EFCAB11: variants seen among roughly 807,000 people sequenced by gnomAD.
EFCAB11 encodes the protein EF-hand calcium-binding domain-containing protein 11.
A neutral mutation model predicts 23.0 loss-of-function variants in EFCAB11; 14 were observed. The ratio of observed to expected loss-of-function variants is 0.61; its 90% CI spans 0.40 to 0.95. The LOEUF is 0.95. EFCAB11 is among the 40% of genes least tolerant of loss of function. EFCAB11 has a pLI of 0.00. For missense variants in EFCAB11, 198 were observed against 195.8 expected (o/e 1.01, Z -0.07); for synonymous variants, 65 against 66.6 (o/e 0.98, Z 0.11).
intron 5 of EFCAB11, among the ~76,000 whole-genome samples, chr14:89,910,094 T>C (rs989322406): frequency 2.6e-5 from 4 of 152,230 alleles, no homozygotes; most frequent in African/African-American, 9.6e-5. Flanking sequence ...ATCTTGTTCA[T>C]TTTCATACAA....
intron 3 of EFCAB11, 151 bp downstream of exon 3, chr14:89,949,946 T>C (rs1891107997): frequency 1.3e-6 from 1 of 771,634 alleles, no homozygotes; most frequent in Non-Finnish European, 2.0e-6. Context: ...GAGAACAACA[T>C]GCGAAAAACC....
intron 5 of EFCAB11, among the ~76,000 whole-genome samples, chr14:89,890,070 G>A (rs987738168): frequency 4.6e-5 from 7 of 152,148 alleles, no homozygotes; most frequent in South Asian, 2.1e-4. Flanking sequence ...TTATTTTGTC[G>A]TAGGTATAAG....
intron 5 of EFCAB11, among the ~76,000 whole-genome samples, chr14:89,843,091 C>G (rs1887323071): frequency 6.6e-6 from 1 of 152,088 alleles, no homozygotes; most frequent in South Asian, 2.1e-4. Flanking sequence ...GTCTAGTACA[C>G]AATGCTATCT....
At chr14:89,876,527 C>T (rs1324996727) in intron 5 of EFCAB11, among the ~76,000 whole-genome samples, 1 of 152,110 alleles carries the variant, frequency 6.6e-6, no homozygotes, top group African/African-American at 2.4e-5. Flanking sequence ...TGCATGGGTT[C>T]AGATAGTCCA....
In EFCAB11 at chr14:89,864,561, G is replaced by A. The variant is rs541576860; in HGVS notation, c.410+66980C>T. 5.3e-4 allele frequency among the ~76,000 whole-genome samples: 80 copies of A among 151,968 alleles called. 1 individual carries two copies. Among genetic ancestry groups the A allele is most frequent in the African/African-American group, 1.9e-3 (77 of 41,462 alleles). On this transcript the variant is annotated intron_variant, in intron 5 of 5. Transcript: ENST00000316738. ...CACCTCAGCCTCCCAAATAGTAGCTGGGACTACAGGTGCACGTCAACATGC... is the reference window on the plus strand; with the variant it reads ...CACCTCAGCCTCCCAAATAGTAGCTAGGACTACAGGTGCACGTCAACATGC...
rs1888953193 is a variant in EFCAB11, at chr14:89,891,208, GA to G, written c.410+40332del. Among the ~76,000 whole-genome samples, 2 of 152,170 alleles carry G rather than the reference GA, an allele frequency of 1.3e-5. 1 individual carries two copies. The highest frequency in any genetic ancestry group is 4.1e-4 in the South Asian group (2 of 4,832). Reference sequence around the variant, plus strand: ...TATTTTTCAAGGTCGGTGAGCTCCAGAAAGTTGAATACAAACAAGTTTACAG... The same window carrying G: ...TATTTTTCAAGGTCGGTGAGCTCCAGAAGTTGAATACAAACAAGTTTACAG... On this transcript the variant is annotated intron_variant, in intron 5 of 5. Transcript: ENST00000316738.
chr14:89,855,669 A>T (rs1887731301), intron 5 of EFCAB11, among the ~76,000 whole-genome samples: 1 of 152,160 alleles, frequency 6.6e-6, no homozygotes, highest in African/African-American at 2.4e-5. Context: ...TGAATCCCAA[A>T]TGCAGCACAA....
intron 5 of EFCAB11, among the ~76,000 whole-genome samples, chr14:89,883,583 G>A (rs1027771103): frequency 2.6e-5 from 4 of 152,018 alleles, no homozygotes; most frequent in African/African-American, 9.7e-5. Context: ...AGGAAATAAT[G>A]ACAAAGAAAA....
At chr14:89,898,255 C>T (rs942302364) in intron 5 of EFCAB11, among the ~76,000 whole-genome samples, 2 of 152,168 alleles carry the variant, frequency 1.3e-5, no homozygotes, top group African/African-American at 4.8e-5. Flanking sequence ...ACCACATGCT[C>T]TTTGAGGCTC....
At chr14:89,953,414 T>C (rs1363629849) in intron 2 of EFCAB11, among the ~76,000 whole-genome samples, 1 of 152,208 alleles carries the variant, frequency 6.6e-6, no homozygotes, top group Non-Finnish European at 1.5e-5. Context: ...ATAGAAAATT[T>C]CAGAATTACA....
chr14:89,825,740 G>GA (rs890737683), intron 5 of EFCAB11, among the ~76,000 whole-genome samples: 27 of 149,694 alleles, frequency 1.8e-4, no homozygotes, highest in Admixed American at 6.0e-4. Flanking sequence ...TTTATTTCTC[G>GA]AAAAAAAAAG....
intron 5 of EFCAB11, among the ~76,000 whole-genome samples, chr14:89,818,022 A>T (rs1327980900): frequency 2.6e-5 from 4 of 151,914 alleles, no homozygotes; most frequent in African/African-American, 7.3e-5. Flanking sequence ...AATAAATAAA[A>T]ATAAAAAATT....
chr14:89,849,828 T>G (rs985877982), intron 5 of EFCAB11, among the ~76,000 whole-genome samples: 31 of 152,274 alleles, frequency 2.0e-4, no homozygotes, highest in African/African-American at 7.5e-4. Context: ...CCCAAGAGAT[T>G]GACTTTCAAC....
At chr14:89,801,993 C>CA (rs879381350) in intron 5 of EFCAB11, among the ~76,000 whole-genome samples, 4,389 of 123,858 alleles carry the variant, frequency 0.035, 94 homozygotes, top group African/African-American at 0.069. Flanking sequence ...GACTCTGTCT[C>CA]AAAAAAAAAA....
intron 3 of EFCAB11, among the ~76,000 whole-genome samples, chr14:89,938,894 G>A (rs1202997975): frequency 6.7e-6 from 1 of 149,410 alleles, no homozygotes; most frequent in Non-Finnish European, 1.5e-5. Context: ...AGCCAAGACC[G>A]CGCCACTGCA....
chr14:89,894,240 G>A (rs1205822689), intron 5 of EFCAB11, among the ~76,000 whole-genome samples: 1 of 151,890 alleles, frequency 6.6e-6, no homozygotes, highest in Non-Finnish European at 1.5e-5. Flanking sequence ...GTGAGCCACC[G>A]CACCCAGCCT....
At chr14:89,830,430 A>G (rs971448832) in intron 5 of EFCAB11, 9 of 152,226 alleles carry the variant, frequency 5.9e-5, no homozygotes, top group African/African-American at 2.2e-4. Context: ...GCTAAAAATT[A>G]CAACTTTTAT....
Position 89,795,629 on chromosome 14 carries a change from G to A in EFCAB11, c.*1614C>T, listed in dbSNP as rs1387771841. 1 of 151,914 alleles carries A rather than the reference G, an allele frequency of 6.6e-6. No individual in the cohort carries two copies. The highest frequency in any genetic ancestry group is 1.5e-5 in the Non-Finnish European group (1 of 67,998). The allele number at this position is 151,914 out of a possible 1,614,324, so 9.4% of individuals were successfully genotyped here. On this transcript the variant is annotated 3_prime_UTR_variant, in exon 6 of 6. Coordinates refer to ENST00000316738, the MANE Select transcript of EFCAB11 (RefSeq NM_145231.4). Reference sequence around the variant, plus strand: ...TTGCAGTGAGCCGAGATCGCGCACTGTACTCCAGCTTAGGTGACAAAGTGA... The same window carrying A: ...TTGCAGTGAGCCGAGATCGCGCACTATACTCCAGCTTAGGTGACAAAGTGA...
rs1219445467 is a variant in EFCAB11, at chr14:89,849,609, T to TG, written c.411-52286_411-52285insC. Among the ~76,000 whole-genome samples, 57 of 150,256 alleles carry TG rather than the reference T, an allele frequency of 3.8e-4. 1 individual carries two copies. In the East Asian group the frequency reaches 8.8e-3, roughly 23 times the overall value. On this transcript the variant is annotated intron_variant, in intron 5 of 5. Coordinates refer to ENST00000316738, the MANE Select transcript of EFCAB11 (RefSeq NM_145231.4). ...TGCTTTTGTAACAAGGAAATCTGTTTTTTTTTTTTTTTTGGTAAGATACTC... is the reference window on the plus strand; with the variant it reads ...TGCTTTTGTAACAAGGAAATCTGTTTGTTTTTTTTTTTTTGGTAAGATACTC...
Sources: allele counts gnomAD v4.1 joint callset (sites outside exome capture counted in the v4.1 genomes callset), GRCh38; gene constraint gnomAD v4.1.1; transcripts MANE v1.5; gene names NCBI Gene and HGNC (gene_info 2026-07-23, HGNC 2026-07-21).